SLC12A6: variants seen among roughly 807,000 people sequenced by gnomAD.
SLC12A6 encodes the protein K-Cl cotransporter 3.
A neutral mutation model predicts 135.3 loss-of-function variants in SLC12A6; 66 were observed. That is an observed-to-expected ratio of 0.49 (90% CI 0.40 to 0.60). The LOEUF (loss-of-function observed/expected upper bound fraction) is 0.60, where lower values mean the gene tolerates loss of function less well. Ranked by LOEUF, SLC12A6 falls within the 20% of genes least tolerant of loss-of-function variation. SLC12A6 has a pLI of 0.00. For missense variants in SLC12A6, 1,058 were observed against 1,452.3 expected, an observed-to-expected ratio of 0.73 and a Z score of 4.41; for synonymous variants, 513 against 508.8, an observed-to-expected ratio of 1.01 and a Z score of -0.11.
intron 17 of SLC12A6, among the ~76,000 whole-genome samples, chr15:34,241,594 T>C (rs1027400518): frequency 1.3e-4 from 20 of 152,322 alleles, no homozygotes; most frequent in African/African-American, 4.6e-4. Flanking sequence ...TCTATGTAAT[T>C]GTTCAAAACA....
intron 2 of SLC12A6, among the ~76,000 whole-genome samples, chr15:34,275,619 T>C (rs1282826418): frequency 6.6e-6 from 1 of 152,092 alleles, no homozygotes; most frequent in Non-Finnish European, 1.5e-5. Flanking sequence ...TAATTATACT[T>C]CCAAAATAAT....
chr15:34,281,261 C>T (rs1208942202), intron 2 of SLC12A6, among the ~76,000 whole-genome samples: 2 of 151,934 alleles, frequency 1.3e-5, no homozygotes, highest in Non-Finnish European at 2.9e-5. Context: ...TTACATTGAT[C>T]TGATCACTAT....
At chr15:34,287,316 C>CT (rs1296946235) in intron 2 of SLC12A6, among the ~76,000 whole-genome samples, 2 of 152,224 alleles carry the variant, frequency 1.3e-5, no homozygotes, top group South Asian at 4.2e-4. Flanking sequence ...GGAACTCATC[C>CT]TTTTTTATGG....
intron 2 of SLC12A6, chr15:34,318,459 C>T: frequency 3.2e-6 from 3 of 936,924 alleles, no homozygotes; most frequent in Non-Finnish European, 3.5e-6. Context: ...AACCACAACA[C>T]TTTTCTCTGT....
chr15:34,317,141 T>C (rs1343265130), intron 2 of SLC12A6, among the ~76,000 whole-genome samples: 20 of 152,222 alleles, frequency 1.3e-4, no homozygotes, highest in Admixed American at 1.3e-3. Flanking sequence ...GCTTTCCACT[T>C]TCCATCATCC....
intron 3 of SLC12A6, 41 bp downstream of exon 3, chr15:34,275,304 G>C (rs757846768): frequency 2.0e-6 from 2 of 1,014,486 alleles, no homozygotes; most frequent in Non-Finnish European, 3.1e-6. Flanking sequence ...ATGAGTTAAG[G>C]GTGACTTTGG....
intron 19 of SLC12A6, among the ~76,000 whole-genome samples, chr15:34,239,947 G>T (rs888763039): frequency 6.6e-6 from 1 of 152,106 alleles, no homozygotes. Context: ...ATGAAATCCA[G>T]TAAAACTTTT....
rs117846663 is a variant in SLC12A6, at chr15:34,232,783, C to T, written c.*1098G>A. Reference sequence around the variant, plus strand: ...TAGTAAAGTAGGTAAGGAGAGTAGCCGCTCAGTAACGTTGGCACTAAAGAA... The same window carrying T: ...TAGTAAAGTAGGTAAGGAGAGTAGCTGCTCAGTAACGTTGGCACTAAAGAA... On this transcript the variant is annotated 3_prime_UTR_variant, in exon 26 of 26. Transcript: ENST00000354181. The T allele has an allele frequency of 0.023, 3,439 of 152,556 alleles. 54 individuals carry two copies. Among genetic ancestry groups the T allele is most frequent in the Admixed American group, 0.046 (698 of 15,260 alleles). The allele number at this position is 152,556 out of a possible 1,614,324, so 9.5% of individuals were successfully genotyped here.
rs1890991630 is a variant in SLC12A6, at chr15:34,232,126, AC to A, written c.*1754del. 1.3e-5 allele frequency: 2 copies of A among 152,262 alleles called. No individual in the cohort carries two copies. Among genetic ancestry groups the A allele is most frequent in the African/African-American group, 4.8e-5 (2 of 41,474 alleles). 9.4% of individuals were successfully genotyped at this position (152,262 alleles called of 1,614,324 possible). A position where few individuals can be genotyped will look rare whatever the true frequency, so the allele number is the denominator to read the frequency against. ...ATGAAGATTTCACATACTTGAAATT[AC>A]TGCTCAGCCAGCCACATAAGTAGTT... On this transcript the variant is annotated 3_prime_UTR_variant, in exon 26 of 26. Coordinates refer to ENST00000354181, the MANE Select transcript of SLC12A6 (RefSeq NM_001365088.1).
intron 7 of SLC12A6, 42 bp downstream of exon 7, chr15:34,256,187 T>A: frequency 7.9e-7 from 1 of 1,267,510 alleles, no homozygotes; most frequent in Non-Finnish European, 1.2e-6. Flanking sequence ...AAACACAGAG[T>A]CAACACTGAT....
chr15:34,296,000 C>G (rs1895854939), intron 2 of SLC12A6, among the ~76,000 whole-genome samples: 1 of 151,800 alleles, frequency 6.6e-6, no homozygotes, highest in Non-Finnish European at 1.5e-5. Context: ...AACTTCATCT[C>G]AAAAACAAAC....
intron 2 of SLC12A6, among the ~76,000 whole-genome samples, chr15:34,334,966 A>G (rs1257823067): frequency 2.6e-5 from 4 of 152,218 alleles, no homozygotes; most frequent in Non-Finnish European, 5.9e-5. Flanking sequence ...CATGTAAGTC[A>G]CAAGTCTAAC....
intron 2 of SLC12A6, among the ~76,000 whole-genome samples, chr15:34,295,656 G>A (rs1206881061): frequency 6.6e-6 from 1 of 152,088 alleles, no homozygotes; most frequent in East Asian, 1.9e-4. Flanking sequence ...CACTATTCTT[G>A]TATCAAAAAA....
chr15:34,320,180 A>G (rs1888967141), intron 2 of SLC12A6, among the ~76,000 whole-genome samples: 1 of 152,222 alleles, frequency 6.6e-6, no homozygotes, highest in South Asian at 2.1e-4. Context: ...TTGAATTCTT[A>G]GTCATTCAGT....
rs140293375 is a variant in SLC12A6, at chr15:34,249,472, C to T, written c.1649+826G>A. ...GTCCCAGCTACTTGGGAAGCTGAGG[C>T]GGGAGGATTACTTGAGCCCAGGAGG... is the stretch of plus-strand genomic sequence containing the variant. On this transcript the variant is annotated intron_variant, in intron 13 of 25. Coordinates refer to ENST00000354181, the MANE Select transcript of SLC12A6 (RefSeq NM_001365088.1). Among the ~76,000 whole-genome samples the T allele has an allele frequency of 5.3e-5, 8 of 152,024 alleles. No individual in the cohort carries two copies. The East Asian group carries it at 5.8e-4, about 11-fold the overall frequency.
intron 2 of SLC12A6, among the ~76,000 whole-genome samples, chr15:34,321,105 C>T (rs1401450146): frequency 1.3e-5 from 2 of 152,096 alleles, no homozygotes; most frequent in African/African-American, 4.8e-5. Flanking sequence ...TGCCCAAAGT[C>T]ACCATTGTAA....
At chr15:34,243,710 G>T (rs892176339) in intron 16 of SLC12A6, among the ~76,000 whole-genome samples, 2 of 152,152 alleles carry the variant, frequency 1.3e-5, no homozygotes, top group Non-Finnish European at 2.9e-5. Flanking sequence ...AGAGAAGGTT[G>T]TTTTAACCTG....
At chr15:34,251,180 T>A (rs1892364481) in intron 10 of SLC12A6, 123 bp from the exon 11 acceptor site, 4 of 743,466 alleles carry the variant, frequency 5.4e-6, no homozygotes, top group Non-Finnish European at 4.8e-6. Context: ...TGTGTTTGCT[T>A]CTACATGAGC....
At chr15:34,253,550 A>G (rs942283006) in intron 9 of SLC12A6, among the ~76,000 whole-genome samples, 1 of 152,244 alleles carries the variant, frequency 6.6e-6, no homozygotes, top group African/African-American at 2.4e-5. Flanking sequence ...ATCACAGTTC[A>G]TCTTCTTGCT....
Sources: allele counts gnomAD v4.1 joint callset (sites outside exome capture counted in the v4.1 genomes callset), GRCh38; gene constraint gnomAD v4.1.1; transcripts MANE v1.5; gene names NCBI Gene and HGNC (gene_info 2026-07-23, HGNC 2026-07-21).